CLDN16: variants seen among roughly 807,000 people sequenced by gnomAD.
CLDN16 encodes claudin 16, also known as claudin-16.
A neutral mutation model predicts 24.6 loss-of-function variants in CLDN16; 13 were observed. The ratio of observed to expected loss-of-function variants is 0.53; its 90% CI spans 0.34 to 0.84. The LOEUF is 0.84. Ranked by LOEUF, CLDN16 falls within the 40% of genes least tolerant of loss-of-function variation. CLDN16 has a pLI of 0.01. For synonymous variants in CLDN16, 116 were observed against 106.7 expected (o/e 1.09, Z -0.54); for missense variants, 298 against 292.7 (o/e 1.02, Z -0.13).
At chr3:190,330,050 A>C (rs528462409) in intron 1 of CLDN16, among the ~76,000 whole-genome samples, 1 of 151,644 alleles carries the variant, frequency 6.6e-6, no homozygotes, top group South Asian at 2.1e-4. Context: ...CCCCTCCACC[A>C]GCATCACTTA....
At chr3:190,340,819 T>TG (rs1382632998) in intron 1 of CLDN16, among the ~76,000 whole-genome samples, 6 of 152,106 alleles carry the variant, frequency 3.9e-5, no homozygotes, top group African/African-American at 1.4e-4. Context: ...CTAGATACAA[T>TG]GGGGGTACAG....
chr3:190,291,290 A>G, the CLDN16 span, among the ~76,000 whole-genome samples: 1 of 152,188 alleles, frequency 6.6e-6, no homozygotes, highest in East Asian at 1.9e-4. Flanking sequence ...AGAACTCCCC[A>G]AGACTGGGTA....
chr3:190,309,441 T>C, the CLDN16 span, among the ~76,000 whole-genome samples: 1 of 152,170 alleles, frequency 6.6e-6, no homozygotes, highest in Non-Finnish European at 1.5e-5. Flanking sequence ...ACTGAGGTTT[T>C]TCATCCATTC....
At chr3:190,292,734 A>C in the CLDN16 span, among the ~76,000 whole-genome samples, 1 of 152,174 alleles carries the variant, frequency 6.6e-6, no homozygotes, top group Non-Finnish European at 1.5e-5. Flanking sequence ...AAGAGGCAAA[A>C]TGCCACCAGT....
At chr3:190,359,206 T>A (rs1274007907) in intron 1 of CLDN16, among the ~76,000 whole-genome samples, 1 of 152,090 alleles carries the variant, frequency 6.6e-6, no homozygotes, top group African/African-American at 2.4e-5. Context: ...GCATTACAAT[T>A]TGTCTTATTT....
At chr3:190,375,200 A>G (rs1409852938) in intron 3 of CLDN16, among the ~76,000 whole-genome samples, 2 of 151,964 alleles carry the variant, frequency 1.3e-5, no homozygotes, top group Admixed American at 6.6e-5. Flanking sequence ...TCTTTCATAT[A>G]TAATTCCTTA....
At chr3:190,306,355 A>G in the CLDN16 span, 2 of 152,236 alleles carry the variant, frequency 1.3e-5, no homozygotes, top group Non-Finnish European at 2.9e-5. Flanking sequence ...TCATCACTTG[A>G]GAGACTGGTT....
the CLDN16 span, chr3:190,308,046 A>G: frequency 4.5e-4 from 217 of 481,188 alleles, 2 homozygotes; most frequent in Non-Finnish European, 1.1e-4. Flanking sequence ...GGGAAGCAGT[A>G]ATACAAATGG....
chr3:190,357,516 G>T (rs1456008374), intron 1 of CLDN16, among the ~76,000 whole-genome samples: 2 of 151,694 alleles, frequency 1.3e-5, no homozygotes, highest in Admixed American at 6.6e-5. Context: ...GCTCTTGAGG[G>T]ATCTTTCTAA....
At chr3:190,369,606 A>G (rs938330563) in intron 1 of CLDN16, among the ~76,000 whole-genome samples, 25 of 151,982 alleles carry the variant, frequency 1.6e-4, no homozygotes, top group Admixed American at 1.6e-3. Context: ...TGTATATCTT[A>G]GAAAAATGAA....
chr3:190,337,312 A>T (rs1717333262), intron 1 of CLDN16, among the ~76,000 whole-genome samples: 1 of 152,232 alleles, frequency 6.6e-6, no homozygotes, highest in Non-Finnish European at 1.5e-5. Flanking sequence ...AGTGACAAGA[A>T]GATCCAAGAA....
intron 1 of CLDN16, among the ~76,000 whole-genome samples, chr3:190,351,342 T>A (rs1374378296): frequency 6.6e-6 from 1 of 151,962 alleles, no homozygotes; most frequent in Non-Finnish European, 1.5e-5. Context: ...TGTTTTTTTT[T>A]CCCAGCCTTC....
chr3:190,386,029 G>A (rs1293430033), upstream of CLDN16, among the ~76,000 whole-genome samples: 1 of 152,160 alleles, frequency 6.6e-6, no homozygotes, highest in Admixed American at 6.6e-5. Context: ...CTGCCTTGGA[G>A]TGCACTGTTA....
chr3:190,303,701 T>G, the CLDN16 span, among the ~76,000 whole-genome samples: 1 of 152,164 alleles, frequency 6.6e-6, no homozygotes, highest in African/African-American at 2.4e-5. Flanking sequence ...CAACTTACCC[T>G]CCTGAACTCA....
chr3:190,291,910 C>T, the CLDN16 span, among the ~76,000 whole-genome samples: 4 of 152,206 alleles, frequency 2.6e-5, no homozygotes, highest in Non-Finnish European at 5.9e-5. Context: ...TGTCTCACGT[C>T]CAGGGCACAC....
At chr3:190,295,026 C>T in the CLDN16 span, among the ~76,000 whole-genome samples, 40 of 152,060 alleles carry the variant, frequency 2.6e-4, no homozygotes, top group Non-Finnish European at 4.7e-4. Flanking sequence ...GAGGCATTAT[C>T]TCAGGGCTCG....
intron 2 of CLDN16, among the ~76,000 whole-genome samples, chr3:190,403,039 T>C (rs1481873890): frequency 6.6e-6 from 1 of 152,152 alleles, no homozygotes; most frequent in Non-Finnish European, 1.5e-5. Context: ...CTTTAAATTA[T>C]AGTTAAAGCC....
At chr3:190,297,849 T>G in the CLDN16 span, among the ~76,000 whole-genome samples, 6 of 151,044 alleles carry the variant, frequency 4.0e-5, no homozygotes, top group Non-Finnish European at 8.8e-5. Flanking sequence ...GTCATTTGAC[T>G]TCCACTGAAA....
chr3:190,300,358 G>A, the CLDN16 span, among the ~76,000 whole-genome samples: 1 of 142,478 alleles, frequency 7.0e-6, no homozygotes, highest in Admixed American at 6.7e-5. Flanking sequence ...CCATGGGCTG[G>A]CCACAAGGCT....
Sources: allele counts gnomAD v4.1 joint callset (sites outside exome capture counted in the v4.1 genomes callset), GRCh38; gene constraint gnomAD v4.1.1; transcripts MANE v1.5; gene names NCBI Gene and HGNC (gene_info 2026-07-23, HGNC 2026-07-21).